The following CNKSR3 variants were observed in gnomAD, a reference collection of about 807,000 sequenced individuals.
CNKSR3 encodes the protein connector enhancer of kinase suppressor of ras 3.
A neutral mutation model predicts 67.7 loss-of-function variants in CNKSR3; 36 were observed. The ratio of observed to expected loss-of-function variants is 0.53; its 90% CI spans 0.41 to 0.70. CNKSR3 has a LOEUF of 0.70. Ranked by LOEUF, CNKSR3 falls within the 30% of genes least tolerant of loss-of-function variation. The probability of loss-of-function intolerance (pLI) is 0.00; values close to 1 mark genes in which losing one functional copy is unlikely to be tolerated. For synonymous variants in CNKSR3, 281 were observed against 271.4 expected, an observed-to-expected ratio of 1.04 and a Z score of -0.35; for missense variants, 630 against 695.2, an observed-to-expected ratio of 0.91 and a Z score of 1.05.
Position 154,442,259 on chromosome 6 carries a change from T to G in CNKSR3, c.248A>C (p.Asn83Thr). 6.2e-7 allele frequency: 1 copy of G among 1,614,086 alleles called. No individual in the cohort carries two copies. The highest frequency in any genetic ancestry group is 1.3e-5 in the African/African-American group (1 of 75,050). Residue 83 changes from asparagine (N) to threonine (T), a missense_variant, in exon 3 of 13, where the codon AAC becomes ACC. By Grantham distance (65) the Asn-to-Thr change is moderately conservative. Around this residue, in one of 3 missense-constraint regions of CNKSR3, gnomAD observed 189 missense variants for 205.0 expected, o/e 0.92. Transcript: ENST00000607772. Reference sequence around the variant, plus strand: ...AGATGCTCTCAGTTTCAGAACCAAGTTCTTCATGTTATCAGTTTCGAGGCC... The same window carrying G: ...AGATGCTCTCAGTTTCAGAACCAAGGTCTTCATGTTATCAGTTTCGAGGCC... ...NYGLETDNMK[N>T]LVLKLRASSH...
At chr6:154,489,367 C>G (rs1271739872) in intron 1 of CNKSR3, among the ~76,000 whole-genome samples, 1 of 152,124 alleles carries the variant, frequency 6.6e-6, no homozygotes, top group Non-Finnish European at 1.5e-5. Flanking sequence ...CACATCTCGA[C>G]TAAAAATACA....
chr6:154,434,829 A>G lies in CNKSR3; in HGVS notation c.508-1322T>C, dbSNP rs567629117. ...GTGCTTTTCCAATTCTATCTTGTAG[A>G]TAAAACTAAACTGTCAACTACCATT... On this transcript the variant is annotated intron_variant, in intron 4 of 12. Transcript: ENST00000607772. Among the ~76,000 whole-genome samples, 21 of 152,352 alleles carry G rather than the reference A, an allele frequency of 1.4e-4. No homozygotes were observed. The South Asian group carries it at 3.9e-3, about 29-fold the overall frequency.
chr6:154,407,398 G>A (rs1197572918), intron 12 of CNKSR3, among the ~76,000 whole-genome samples: 1 of 152,202 alleles, frequency 6.6e-6, no homozygotes, highest in East Asian at 1.9e-4. Flanking sequence ...TTAAAATACA[G>A]TACACTTTGG....
chr6:154,454,526 A>G (rs1785910711), intron 1 of CNKSR3, among the ~76,000 whole-genome samples: 1 of 152,134 alleles, frequency 6.6e-6, no homozygotes, highest in South Asian at 2.1e-4. Flanking sequence ...ATCTCTATTA[A>G]CAGAAAAAAT....
At chr6:154,486,424 G>A (rs1786667368) in intron 1 of CNKSR3, among the ~76,000 whole-genome samples, 1 of 151,212 alleles carries the variant, frequency 6.6e-6, no homozygotes, top group Non-Finnish European at 1.5e-5. Flanking sequence ...GGCCTCCTGG[G>A]TAGCTGGGAT....
chr6:154,463,386 A>C (rs1040517767), intron 1 of CNKSR3, among the ~76,000 whole-genome samples: 1 of 151,978 alleles, frequency 6.6e-6, no homozygotes, highest in African/African-American at 2.4e-5. Flanking sequence ...CCTTTCTTTC[A>C]TATATACATC....
chr6:154,484,487 C>G (rs1310372678), intron 1 of CNKSR3, among the ~76,000 whole-genome samples: 1 of 152,050 alleles, frequency 6.6e-6, no homozygotes, highest in Non-Finnish European at 1.5e-5. Context: ...GGGCAGATCA[C>G]AAGGTCAGGA....
At chr6:154,420,384 T>C (rs1294300651) in intron 9 of CNKSR3, among the ~76,000 whole-genome samples, 1 of 152,070 alleles carries the variant, frequency 6.6e-6, no homozygotes, top group African/African-American at 2.4e-5. Context: ...GCACAGTGAC[T>C]ATAGTTAATA....
chr6:154,473,006 TGAAG>T (rs1786365041), intron 1 of CNKSR3, among the ~76,000 whole-genome samples: 3 of 152,088 alleles, frequency 2.0e-5, no homozygotes, highest in African/African-American at 7.2e-5. Flanking sequence ...AAGTTGGTGA[TGAAG>T]GAAGGAAGAA....
At chr6:154,499,628 T>C (rs1786943319) in intron 1 of CNKSR3, among the ~76,000 whole-genome samples, 1 of 152,178 alleles carries the variant, frequency 6.6e-6, no homozygotes, top group South Asian at 2.1e-4. Flanking sequence ...TACCGGGTTT[T>C]TTTAATGTGG....
At chr6:154,497,147 G>A (rs1212923149) in intron 1 of CNKSR3, among the ~76,000 whole-genome samples, 2 of 152,078 alleles carry the variant, frequency 1.3e-5, no homozygotes, top group African/African-American at 4.8e-5. Context: ...GGAGGCTGAG[G>A]CAGGAGGATC....
chr6:154,436,699 A>T (rs1785478571), intron 4 of CNKSR3, among the ~76,000 whole-genome samples: 1 of 152,018 alleles, frequency 6.6e-6, no homozygotes, highest in Non-Finnish European at 1.5e-5. Context: ...TGCCAGGGCC[A>T]TTGTGTCTCT....
intron 1 of CNKSR3, among the ~76,000 whole-genome samples, chr6:154,490,091 C>T (rs1053469134): frequency 3.9e-5 from 6 of 152,106 alleles, no homozygotes; most frequent in African/African-American, 1.4e-4. Context: ...TTAGTAGTTT[C>T]TTCTTTCTTT....
At chr6:154,493,958 C>T (rs1786830484) in intron 1 of CNKSR3, among the ~76,000 whole-genome samples, 1 of 152,082 alleles carries the variant, frequency 6.6e-6, no homozygotes, top group South Asian at 2.1e-4. Context: ...CATCACACCC[C>T]CTAATGTGTT....
In CNKSR3 at chr6:154,400,313, T is replaced by C. The variant is rs1403087324; in HGVS notation, c.*6041A>G. On this transcript the variant is annotated 3_prime_UTR_variant, in exon 13 of 13. Coordinates refer to ENST00000607772, the MANE Select transcript of CNKSR3 (RefSeq NM_173515.4). ...CCTTAGGTGTAGCCTCACGTTTTAA[T>C]CCCTGAGGTATGTTGTAAATGGGCA... The C allele has an allele frequency of 6.6e-6, 1 of 152,218 alleles. No individual in the cohort carries two copies. Among genetic ancestry groups the C allele is most frequent in the African/African-American group, 2.4e-5 (1 of 41,440 alleles). 9.4% of individuals were successfully genotyped at this position (152,218 alleles called of 1,614,324 possible).
chr6:154,510,661 CA>C lies in CNKSR3; in HGVS notation c.-548del, dbSNP rs146668281. The C allele has an allele frequency of 0.16, 24,904 of 156,572 alleles. 2,050 individuals carry two copies. Among genetic ancestry groups the C allele is most frequent in the Middle Eastern group, 0.18 (56 of 316 alleles). 9.7% of individuals were successfully genotyped at this position (156,572 alleles called of 1,614,324 possible). ...CGTGCGCGCTCGGGTTGCAAAGTTTCAGCTCCGGTTGCTGCAAACCGAATAA... is the reference window on the plus strand; with the variant it reads ...CGTGCGCGCTCGGGTTGCAAAGTTTCGCTCCGGTTGCTGCAAACCGAATAA... On this transcript the variant is annotated 5_prime_UTR_variant, in exon 1 of 13. Coordinates refer to ENST00000607772, the MANE Select transcript of CNKSR3 (RefSeq NM_173515.4).
At chr6:154,449,178 T>C (rs1224587569) in intron 2 of CNKSR3, among the ~76,000 whole-genome samples, 1 of 152,180 alleles carries the variant, frequency 6.6e-6, no homozygotes, top group Non-Finnish European at 1.5e-5. Context: ...GAAGGCCACA[T>C]TTTTTTCCCA....
rs147501674 is a variant in CNKSR3, at chr6:154,486,737, G to A, written c.52+23326C>T. Reference sequence around the variant, plus strand: ...TCGAACTCCTGACCTCAGGTGATCCGCTTGCCTCGGCCTCCCAAAGTGCTA... The same window carrying A: ...TCGAACTCCTGACCTCAGGTGATCCACTTGCCTCGGCCTCCCAAAGTGCTA... On this transcript the variant is annotated intron_variant, in intron 1 of 12. Transcript: ENST00000607772. 5.2e-3 allele frequency among the ~76,000 whole-genome samples: 792 copies of A among 151,462 alleles called. 6 individuals are homozygous for A. The highest frequency in any genetic ancestry group is 0.013 in the African/African-American group (529 of 41,292).
chr6:154,510,320 G>C lies in CNKSR3; in HGVS notation c.-206C>G. On this transcript the variant is annotated 5_prime_UTR_variant, in exon 1 of 13. Transcript: ENST00000607772. ...CGGCCCTCTCCCTCCAGCTGCCACA[G>C]TCCAGCTGCAGCTCCTCCTTCCCCC... 3.5e-6 allele frequency: 2 copies of C among 569,764 alleles called. No homozygotes were observed. The highest frequency in any genetic ancestry group is 6.5e-5 in the East Asian group (2 of 30,594). 35.3% of individuals were successfully genotyped at this position (569,764 alleles called of 1,614,324 possible).
Sources: allele counts gnomAD v4.1 joint callset (sites outside exome capture counted in the v4.1 genomes callset), GRCh38; gene constraint gnomAD v4.1.1; regional missense constraint gnomAD v4.1.1; transcripts MANE v1.5; gene names NCBI Gene and HGNC (gene_info 2026-07-23, HGNC 2026-07-21).